KPNA6: variants seen among roughly 807,000 people sequenced by gnomAD.
KPNA6 encodes importin subunit alpha-7.
In KPNA6, 9 loss-of-function variants were observed where a neutral mutation model predicts 72.0. That is an observed-to-expected ratio of 0.13 (90% CI 0.08 to 0.22). The LOEUF is 0.22. Among genes scored for constraint, KPNA6 ranks in the 10% least tolerant of loss-of-function variants. KPNA6 has a pLI of 1.00. For synonymous variants in KPNA6, 219 were observed against 242.1 expected (o/e 0.90, Z 0.89); for missense variants, 374 against 655.7 (o/e 0.57, Z 4.69).
chr1:32,125,092 G>T (rs1203982728), intron 1 of KPNA6, among the ~76,000 whole-genome samples: 2 of 152,176 alleles, frequency 1.3e-5, no homozygotes, highest in African/African-American at 2.4e-5. Flanking sequence ...CAATCCACCC[G>T]CCTCGGCCTC....
chr1:32,156,960 T>TG lies in KPNA6; in HGVS notation c.231+16dup. ...CTACCACTGGGGTAAGGCCCCTGCA[T>TG]GTGCCTCAGGCTGACCTGGAAAACA... On this transcript the variant is annotated intron_variant, in intron 3 of 13. Coordinates refer to ENST00000373625, the MANE Select transcript of KPNA6 (RefSeq NM_012316.5). The TG allele has an allele frequency of 6.3e-7, 1 of 1,594,820 alleles. No individual in the cohort carries two copies. Among genetic ancestry groups the TG allele is most frequent in the Non-Finnish European group, 8.6e-7 (1 of 1,163,088 alleles).
At position 32,119,032 on chromosome 1, in the gene KPNA6, A is replaced by ATTTTT. The variant is rs71006332; in HGVS notation, c.4+10911_4+10915dup. Among the ~76,000 whole-genome samples the ATTTTT allele has an allele frequency of 7.4e-4, 30 of 40,278 alleles. 2 individuals are homozygous for ATTTTT. In the South Asian group the frequency reaches 8.5e-3, roughly 11 times the overall value. 26.4% of individuals were successfully genotyped at this position (40,278 alleles called of 152,430 possible). A position where few individuals can be genotyped will look rare whatever the true frequency, so the allele number is the denominator to read the frequency against. On this transcript the variant is annotated intron_variant, in intron 1 of 13. Coordinates refer to ENST00000373625, the MANE Select transcript of KPNA6 (RefSeq NM_012316.5). ...TATATATATATATATATATATATAT[A>ATTTTT]TTTTTTTTTTTTTTTTTGAGAGAGA...
At chr1:32,132,765 T>A (rs1040501486) in intron 1 of KPNA6, among the ~76,000 whole-genome samples, 4 of 152,054 alleles carry the variant, frequency 2.6e-5, no homozygotes, top group African/African-American at 9.7e-5. Flanking sequence ...TAGCCGGGCG[T>A]GGTGGCAGGC....
At chr1:32,148,834 G>A (rs1408086465) in intron 1 of KPNA6, among the ~76,000 whole-genome samples, 1 of 151,986 alleles carries the variant, frequency 6.6e-6, no homozygotes, top group Non-Finnish European at 1.5e-5. Context: ...TGGGATTATA[G>A]GCATGAGCCA....
chr1:32,155,915 ATTTTTTTT>A (rs747284319), intron 2 of KPNA6, among the ~76,000 whole-genome samples: 6 of 105,044 alleles, frequency 5.7e-5, no homozygotes, highest in African/African-American at 1.1e-4. Context: ...ATTTTTGTGG[ATTTTTTTT>A]TTTTTTTTTT....
chr1:32,119,019 TATA>T (rs1334387230), intron 1 of KPNA6, among the ~76,000 whole-genome samples: 129 of 77,730 alleles, frequency 1.7e-3, no homozygotes, highest in East Asian at 7.3e-3. Context: ...TATATATATA[TATA>T]TATATATATA....
intron 1 of KPNA6, among the ~76,000 whole-genome samples, chr1:32,148,861 T>C (rs538740176): frequency 1.5e-4 from 23 of 151,352 alleles, no homozygotes; most frequent in Non-Finnish European, 2.6e-4. Context: ...CCGGCCCCCC[T>C]ACTTTTTTTT....
chr1:32,117,493 A>ATTTT (rs1557455976), intron 1 of KPNA6, among the ~76,000 whole-genome samples: 4 of 143,474 alleles, frequency 2.8e-5, no homozygotes, highest in African/African-American at 1.0e-4. Context: ...TTTTTTTTTA[A>ATTTT]AAAAAACACA....
chr1:32,159,991 C>A (rs2124074082), intron 6 of KPNA6, among the ~76,000 whole-genome samples: 1 of 152,250 alleles, frequency 6.6e-6, no homozygotes, highest in African/African-American at 2.4e-5. Context: ...AGACTTGGTC[C>A]AAGGCAGCTA....
At chr1:32,110,173 T>C (rs1463143606) in intron 1 of KPNA6, among the ~76,000 whole-genome samples, 1 of 151,492 alleles carries the variant, frequency 6.6e-6, no homozygotes, top group African/African-American at 2.4e-5. Context: ...AAAGCAATTT[T>C]CCTGCCTCAG....
intron 1 of KPNA6, 103 bp from the exon 2 acceptor site, chr1:32,154,485 C>T (rs1204882706): frequency 1.7e-5 from 22 of 1,277,272 alleles, no homozygotes; most frequent in Non-Finnish European, 2.4e-5. Flanking sequence ...GCTGTATTCC[C>T]CCCAGAGTAG....
rs776780870 is a variant in KPNA6 at position 32,108,121 on chromosome 1, C to G, written c.-10C>G. The G allele has an allele frequency of 2.5e-6, 4 of 1,613,898 alleles. No individual in the cohort carries two copies. The highest frequency in any genetic ancestry group is 2.2e-5 in the South Asian group (2 of 91,070). ...GCCTCCGCCGCCAAGAGTGAGCGAG[C>G]GGACCCGCGATGGGTGAGTGAGGAA... On this transcript the variant is annotated 5_prime_UTR_variant, in exon 1 of 14. Transcript: ENST00000373625.
At chr1:32,109,992 C>T (rs189468133) in intron 1 of KPNA6, among the ~76,000 whole-genome samples, 4 of 151,212 alleles carry the variant, frequency 2.6e-5, no homozygotes, top group African/African-American at 9.7e-5. Context: ...CTGAAGGAGT[C>T]CAGAGTGAAT....
intron 1 of KPNA6, among the ~76,000 whole-genome samples, chr1:32,149,518 A>G (rs1032346260): frequency 2.6e-5 from 4 of 152,078 alleles, no homozygotes; most frequent in African/African-American, 9.7e-5. Context: ...GAGCTACCAC[A>G]CGCAGCTAGG....
rs781670828 is a variant in KPNA6, at chr1:32,167,137, C to T, written c.1117-32C>T. On this transcript the variant is annotated intron_variant, in intron 11 of 13. Transcript: ENST00000373625. ...TTTATCATGCTGAAATGACTTTCTC[C>T]TTCCATCTGCCTCCTCTCAATTCTC... 25 of 1,607,008 alleles carry T rather than the reference C, an allele frequency of 1.6e-5. 1 individual carries two copies. The Admixed American group carries it at 2.5e-4, about 16-fold the overall frequency.
chr1:32,123,350 C>T (rs890039797), intron 1 of KPNA6, among the ~76,000 whole-genome samples: 2 of 151,976 alleles, frequency 1.3e-5, no homozygotes, highest in Admixed American at 1.3e-4. Context: ...GACATATTAA[C>T]ACTGAGATAA....
intron 2 of KPNA6, among the ~76,000 whole-genome samples, chr1:32,156,316 A>G (rs1570055836): frequency 6.6e-6 from 1 of 151,650 alleles, no homozygotes; most frequent in Non-Finnish European, 1.5e-5. Flanking sequence ...TACATATACT[A>G]TGTTTTTTTT....
At chr1:32,112,797 A>C (rs1184932227) in intron 1 of KPNA6, among the ~76,000 whole-genome samples, 3 of 152,118 alleles carry the variant, frequency 2.0e-5, no homozygotes, top group African/African-American at 7.2e-5. Flanking sequence ...GCCCAGCCAA[A>C]AGTACATATC....
intron 3 of KPNA6, 65 bp downstream of exon 3, chr1:32,157,010 G>A (rs1212906861): frequency 8.5e-7 from 1 of 1,182,484 alleles, no homozygotes; most frequent in Admixed American, 1.9e-5. Context: ...CAGAAATTGG[G>A]CCGTTCACAT....
Sources: allele counts gnomAD v4.1 joint callset (sites outside exome capture counted in the v4.1 genomes callset), GRCh38; gene constraint gnomAD v4.1.1; transcripts MANE v1.5; gene names NCBI Gene and HGNC (gene_info 2026-07-23, HGNC 2026-07-21).